KATNAL1: variants seen among roughly 807,000 people sequenced by gnomAD.
KATNAL1 encodes the protein katanin catalytic subunit A1 like 1.
A neutral mutation model predicts 55.2 loss-of-function variants in KATNAL1; 32 were observed. That is an observed-to-expected ratio of 0.58 (90% confidence interval 0.44 to 0.78). The LOEUF is 0.78. Among genes scored for constraint, KATNAL1 ranks in the 30% least tolerant of loss-of-function variants. KATNAL1 has a pLI of 0.00. For synonymous variants in KATNAL1, 193 were observed against 193.6 expected (o/e 1.00, Z 0.02); for missense variants, 466 against 600.9 (o/e 0.78, Z 2.35).
chr13:30,234,940 T>C (rs1311303682), intron 6 of KATNAL1, among the ~76,000 whole-genome samples: 2 of 152,132 alleles, frequency 1.3e-5, no homozygotes, highest in African/African-American at 4.8e-5. Flanking sequence ...TGGCCCCCTA[T>C]ATAGTTTATG....
At position 30,208,412 on chromosome 13, in the gene KATNAL1, A is replaced by C; in HGVS notation, c.*128T>G. 2.8e-6 allele frequency: 2 copies of C among 705,742 alleles called. No homozygotes were observed. The highest frequency in any genetic ancestry group is 4.5e-6 in the Non-Finnish European group (2 of 439,860). The allele number at this position is 705,742 out of a possible 1,614,324, so 43.7% of individuals were successfully genotyped here. ...TACATTTAGTATTCTTCGCAGTTTTAGATTTTTTTTTCCTTTAAGCGAAAA... is the reference window on the plus strand; with the variant it reads ...TACATTTAGTATTCTTCGCAGTTTTCGATTTTTTTTTCCTTTAAGCGAAAA... On this transcript the variant is annotated 3_prime_UTR_variant, in exon 11 of 11. Coordinates refer to ENST00000380615, the MANE Select transcript of KATNAL1 (RefSeq NM_032116.5).
Position 30,299,549 on chromosome 13 carries a change from G to A in KATNAL1, c.-15+7782C>T, listed in dbSNP as rs190834605. 4.5e-3 allele frequency among the ~76,000 whole-genome samples: 685 copies of A among 152,160 alleles called. 4 individuals are homozygous for A. Among genetic ancestry groups the A allele is most frequent in the South Asian group, 1.0e-2 (48 of 4,820 alleles). On this transcript the variant is annotated intron_variant, in intron 1 of 10. Transcript: ENST00000380615. ...TAAAATTATTTTTAGTCATAATCTT[G>A]AAACATAGTTTTTTAAATCTCCTTT... is the stretch of plus-strand genomic sequence containing the variant.
chr13:30,210,899 T>C (rs1339625828), intron 9 of KATNAL1, among the ~76,000 whole-genome samples: 1 of 152,178 alleles, frequency 6.6e-6, no homozygotes, highest in East Asian at 1.9e-4. Context: ...AGAACTCTTA[T>C]CAGTAGTTTA....
At chr13:30,277,982 C>CAAAAAAAAAAAAAAAA (rs55683675) in intron 3 of KATNAL1, among the ~76,000 whole-genome samples, 9 of 61,312 alleles carry the variant, frequency 1.5e-4, no homozygotes, top group African/African-American at 6.4e-4. Context: ...GACTCCGTCT[C>CAAAAAAAAAAAAAAAA]AAAAAAAAAA....
intron 6 of KATNAL1, 34 bp downstream of exon 6, chr13:30,240,426 T>C (rs753793137): frequency 6.4e-6 from 9 of 1,398,750 alleles, no homozygotes; most frequent in Non-Finnish European, 9.1e-6. Flanking sequence ...CCAAGTAGCA[T>C]TCTTATATCA....
chr13:30,304,114 T>C (rs1358683362), intron 1 of KATNAL1, among the ~76,000 whole-genome samples: 1 of 152,210 alleles, frequency 6.6e-6, no homozygotes, highest in Non-Finnish European at 1.5e-5. Context: ...CCTATGATCA[T>C]GCAGAAAATA....
intron 4 of KATNAL1, among the ~76,000 whole-genome samples, chr13:30,252,742 C>CT (rs1878434928): frequency 6.6e-6 from 1 of 151,422 alleles, no homozygotes; most frequent in Non-Finnish European, 1.5e-5. Flanking sequence ...ACTAATTTTC[C>CT]TTTCTTTTTT....
rs547843700 is a variant in KATNAL1, at chr13:30,211,703, A to G, written c.1148-1261T>C. 3.3e-5 allele frequency among the ~76,000 whole-genome samples: 5 copies of G among 152,354 alleles called. No homozygotes were observed. The East Asian group carries it at 9.6e-4, about 29-fold the overall frequency. Reference sequence around the variant, plus strand: ...GATCCTCCTAAAAGGTCTATCTGTAAAAACTAACGGGCAGATACCAAAATG... The same window carrying G: ...GATCCTCCTAAAAGGTCTATCTGTAGAAACTAACGGGCAGATACCAAAATG... On this transcript the variant is annotated intron_variant, in intron 9 of 10. Transcript: ENST00000380615.
intron 8 of KATNAL1, among the ~76,000 whole-genome samples, chr13:30,227,767 T>TC (rs1875658758): frequency 6.6e-6 from 1 of 151,882 alleles, no homozygotes; most frequent in African/African-American, 2.4e-5. Flanking sequence ...TTTCTTTCTT[T>TC]TTTTTTTCTT....
intron 9 of KATNAL1, among the ~76,000 whole-genome samples, chr13:30,211,289 A>AG (rs1873665795): frequency 1.1e-4 from 17 of 152,316 alleles, no homozygotes; most frequent in Middle Eastern, 6.8e-3. Flanking sequence ...ACATTTTGCC[A>AG]TTATCACTCT....
chr13:30,271,196 C>T (rs1880326378), intron 3 of KATNAL1, among the ~76,000 whole-genome samples: 1 of 152,138 alleles, frequency 6.6e-6, no homozygotes, highest in African/African-American at 2.4e-5. Flanking sequence ...CTCATAATAA[C>T]CCTACGAAGT....
chr13:30,284,534 T>C (rs1274377698), intron 1 of KATNAL1, among the ~76,000 whole-genome samples: 1 of 152,162 alleles, frequency 6.6e-6, no homozygotes, highest in Admixed American at 6.5e-5. Flanking sequence ...GCCCCAAGAA[T>C]AAAAAGTTAT....
chr13:30,264,086 T>C (rs1879539059), intron 3 of KATNAL1, among the ~76,000 whole-genome samples: 2 of 150,866 alleles, frequency 1.3e-5, no homozygotes, highest in African/African-American at 4.9e-5. Context: ...TCTACAACTA[T>C]CTGATCTTTG....
intron 3 of KATNAL1, among the ~76,000 whole-genome samples, chr13:30,269,544 G>A (rs1593918638): frequency 2.0e-5 from 3 of 152,008 alleles, no homozygotes; most frequent in South Asian, 2.1e-4. Context: ...CGTCTGGGAC[G>A]TGAGGAGCCC....
intron 9 of KATNAL1, among the ~76,000 whole-genome samples, chr13:30,211,932 C>T (rs1873729208): frequency 6.6e-6 from 1 of 152,296 alleles, no homozygotes; most frequent in East Asian, 1.9e-4. Context: ...ATTACAGACA[C>T]TGAATTTATG....
At chr13:30,305,346 T>C (rs9578161) in intron 1 of KATNAL1, among the ~76,000 whole-genome samples, 1 of 152,138 alleles carries the variant, frequency 6.6e-6, no homozygotes, top group African/African-American at 2.4e-5. Context: ...TTTTGTGCCA[T>C]CCATTTGTCC....
chr13:30,231,242 G>A (rs1311883834), intron 7 of KATNAL1, 72 bp downstream of exon 7: 11 of 1,222,684 alleles, frequency 9.0e-6, no homozygotes, highest in Non-Finnish European at 1.1e-5. Flanking sequence ...ATTCCAGGTG[G>A]ACAGAACTGA....
chr13:30,279,844 T>A (rs1441254110), intron 3 of KATNAL1, among the ~76,000 whole-genome samples: 1 of 152,224 alleles, frequency 6.6e-6, no homozygotes, highest in Non-Finnish European at 1.5e-5. Flanking sequence ...TCTATTGTTA[T>A]TAGCGTAATA....
In KATNAL1 at chr13:30,206,467, G is replaced by A. The variant is rs886811932; in HGVS notation, c.*2073C>T. 1.3e-5 allele frequency: 2 copies of A among 151,928 alleles called. No homozygotes were observed. Among genetic ancestry groups the A allele is most frequent in the African/African-American group, 4.8e-5 (2 of 41,360 alleles). 9.4% of individuals were successfully genotyped at this position (151,928 alleles called of 1,614,324 possible). ...TTAACATAGTAAAGTTAGGCTCCCA[G>A]GAAGTTTAAGTTGCCAAATACTGCT... is the stretch of plus-strand genomic sequence containing the variant. On this transcript the variant is annotated 3_prime_UTR_variant, in exon 11 of 11. Transcript: ENST00000380615.
Sources: allele counts gnomAD v4.1 joint callset (sites outside exome capture counted in the v4.1 genomes callset), GRCh38; gene constraint gnomAD v4.1.1; transcripts MANE v1.5; gene names NCBI Gene and HGNC (gene_info 2026-07-23, HGNC 2026-07-21).